The following OS9 variants were observed in gnomAD, a reference collection of about 807,000 sequenced individuals.
OS9 encodes the protein OS9 endoplasmic reticulum lectin.
A neutral mutation model predicts 84.7 loss-of-function variants in OS9; 58 were observed. The ratio of observed to expected loss-of-function variants is 0.68; its 90% confidence interval spans 0.55 to 0.85. The LOEUF (loss-of-function observed/expected upper bound fraction) is 0.85. OS9 is among the 40% of genes least tolerant of loss of function. The pLI, the probability that OS9 is intolerant of heterozygous loss-of-function variation, is 0.00. For missense variants in OS9, 760 were observed against 850.9 expected (o/e 0.89, Z 1.33); for synonymous variants, 278 against 320.8 (o/e 0.87, Z 1.43).
chr12:57,709,151 G>A (rs1362965736), intron 5 of OS9, among the ~76,000 whole-genome samples: 5 of 151,964 alleles, frequency 3.3e-5, no homozygotes, highest in African/African-American at 4.8e-5. Flanking sequence ...TTTCCTAATG[G>A]CTTGCTGGTC....
chr12:57,719,296 C>A, intron 12 of OS9, 114 bp downstream of exon 12: 1 of 836,168 alleles, frequency 1.2e-6, no homozygotes, highest in Non-Finnish European at 1.9e-6. Context: ...CATTCTCTCC[C>A]CACTTTCTGG....
Position 57,715,806 on chromosome 12 carries a change from G to A in OS9, c.626G>A (p.Arg209His), listed in dbSNP as rs775835044. The A allele has an allele frequency of 1.5e-5, 25 of 1,613,662 alleles. No individual in the cohort carries two copies. The highest frequency in any genetic ancestry group is 4.0e-5 in the African/African-American group (3 of 74,906). ...GGTATCTCTGGGGACTACATCGATCGCGTGGACGAGCCCTTGTCCTGCTCT... is the reference window on the plus strand; with the variant it reads ...GGTATCTCTGGGGACTACATCGATCACGTGGACGAGCCCTTGTCCTGCTCT... ...GAGISGDYID[R>H]VDEPLSCSYV... Residue 209 changes from arginine (R) to histidine (H), a missense_variant, in exon 6 of 15, where the codon CGC becomes CAC. Transcript: ENST00000315970.
intron 5 of OS9, among the ~76,000 whole-genome samples, chr12:57,704,161 A>G (rs1288971166): frequency 1.3e-5 from 2 of 152,210 alleles, no homozygotes; most frequent in East Asian, 3.8e-4. Context: ...TCCAACATAA[A>G]TCATGATGTA....
At chr12:57,715,056 T>A (rs1954443657) in intron 5 of OS9, among the ~76,000 whole-genome samples, 2 of 152,054 alleles carry the variant, frequency 1.3e-5, no homozygotes, top group African/African-American at 4.8e-5. Context: ...TATATACAAA[T>A]ATATATACAC....
At chr12:57,694,722 T>G in intron 1 of OS9, 28 bp from the exon 2 acceptor site, 2 of 1,611,702 alleles carry the variant, frequency 1.2e-6, no homozygotes, top group East Asian at 4.5e-5. Context: ...TTTGCTTCCT[T>G]GCCCCCCGAC....
chr12:57,716,296 G>A, intron 7 of OS9, 103 bp downstream of exon 7: 1 of 959,342 alleles, frequency 1.0e-6, no homozygotes, highest in African/African-American at 1.6e-5. Flanking sequence ...GGGTGGAAAA[G>A]TACCATGGGC....
At chr12:57,695,028 G>C (rs570726272) in intron 2 of OS9, 102 bp downstream of exon 2, 5 of 1,013,706 alleles carry the variant, frequency 4.9e-6, no homozygotes, top group South Asian at 1.4e-5. Context: ...ACCTGTAGTG[G>C]TTAAGAAGAC....
intron 5 of OS9, 89 bp downstream of exon 5, chr12:57,696,462 GC>G (rs67496996): frequency 0.19 from 32,220 of 173,296 alleles, 5,877 homozygotes; most frequent in Non-Finnish European, 0.26. Context: ...CGGGGCGGGG[GC>G]GGGGGGGGTC....
intron 5 of OS9, among the ~76,000 whole-genome samples, chr12:57,698,402 A>G (rs182887546): frequency 1.1e-4 from 16 of 152,352 alleles, no homozygotes; most frequent in Admixed American, 1.3e-4. Context: ...TCTGGTGAAC[A>G]TATGCCCTGT....
intron 5 of OS9, among the ~76,000 whole-genome samples, chr12:57,713,724 G>A (rs1954399706): frequency 7.6e-6 from 1 of 130,834 alleles, no homozygotes; most frequent in Non-Finnish European, 1.6e-5. Context: ...TTTTAACTAC[G>A]CTTACCTGCT....
In OS9 at chr12:57,695,985, C is replaced by T. The variant is rs1199860251; in HGVS notation, c.427C>T (p.Leu143Phe). 6.2e-7 allele frequency: 1 copy of T among 1,613,436 alleles called. No individual in the cohort carries two copies. Among genetic ancestry groups the T allele is most frequent in the Admixed American group, 1.7e-5 (1 of 60,016 alleles). ...AGATTCAGAGATCAAAGGTGAAGTC[C>T]TCTATCTCGGCTACTACCAATCAGC... ...MEDSEIKGEV[L>F]YLGYYQSAFD... Residue 143 changes from leucine to phenylalanine, a missense_variant, in exon 4 of 15, where the codon CTC (leucine) becomes TTC (phenylalanine). Leu to Phe is a conservative substitution (Grantham distance 22). Transcript: ENST00000315970.
intron 5 of OS9, among the ~76,000 whole-genome samples, chr12:57,700,027 G>A (rs1953973185): frequency 1.3e-5 from 2 of 152,210 alleles, no homozygotes; most frequent in South Asian, 2.1e-4. Context: ...CCCGGGAGGC[G>A]GAGGTCGCAG....
At position 57,716,579 on chromosome 12, in the gene OS9, G is replaced by A. The variant is rs536424864; in HGVS notation, c.993+67G>A. ...GGGTCACTGCAGCTGGGGCCATTGT[G>A]AGGTGACCTACATCTACCTAGGGAT... On this transcript the variant is annotated intron_variant, in intron 8 of 14. Transcript: ENST00000315970. 285 of 1,507,418 alleles carry A rather than the reference G, an allele frequency of 1.9e-4. 1 individual carries two copies. In the South Asian group the frequency reaches 2.3e-3, roughly 12 times the overall value. 93.4% of individuals were successfully genotyped at this position (1,507,418 alleles called of 1,614,324 possible).
At chr12:57,695,405 G>C (rs999692767) in intron 2 of OS9, 48 of 439,332 alleles carry the variant, frequency 1.1e-4, no homozygotes, top group Non-Finnish European at 1.9e-4. Flanking sequence ...GGCCAGAACA[G>C]TGCCAGGAAT....
At chr12:57,702,801 C>T (rs1380108614) in intron 5 of OS9, among the ~76,000 whole-genome samples, 1 of 151,942 alleles carries the variant, frequency 6.6e-6, no homozygotes, top group Non-Finnish European at 1.5e-5. Context: ...AGTAGTATCT[C>T]ATAGTGGTTT....
chr12:57,712,239 G>T (rs1243426207), intron 5 of OS9, among the ~76,000 whole-genome samples: 1 of 152,104 alleles, frequency 6.6e-6, no homozygotes, highest in Non-Finnish European at 1.5e-5. Flanking sequence ...TTAAAAAATT[G>T]ATGTTTATAG....
rs1953787105 is a variant in OS9, at chr12:57,695,115, C to T, written c.339+189C>T. 2.0e-5 allele frequency: 12 copies of T among 600,980 alleles called. No individual in the cohort carries two copies. In the South Asian group the frequency reaches 2.0e-4, roughly 10 times the overall value. The allele number at this position is 600,980 out of a possible 1,614,324, so 37.2% of individuals were successfully genotyped here. ...CAACCACTGATGACACTTTGCTGAA[C>T]GTAGGAGCAGGTTAGGATAGAAGAT... On this transcript the variant is annotated intron_variant, in intron 2 of 14. Coordinates refer to ENST00000315970, the MANE Select transcript of OS9 (RefSeq NM_006812.4).
At chr12:57,699,526 T>C (rs1953958796) in intron 5 of OS9, among the ~76,000 whole-genome samples, 1 of 152,228 alleles carries the variant, frequency 6.6e-6, no homozygotes, top group South Asian at 2.1e-4. Context: ...AATTGGTCCA[T>C]GGTGTTGGCT....
chr12:57,695,915 C>T (rs762385904), intron 3 of OS9, 47 bp from the exon 4 acceptor site: 1 of 1,572,220 alleles, frequency 6.4e-7, no homozygotes, highest in East Asian at 2.2e-5. Flanking sequence ...CCTCCTCCTC[C>T]TCCTCCTCTT....
Sources: gnomAD v4.1 joint callset for allele counts (sites outside exome capture counted in the v4.1 genomes callset) on GRCh38, gnomAD v4.1.1 for gene constraint, MANE v1.5 for transcripts, NCBI Gene and HGNC (gene_info 2026-07-23, HGNC 2026-07-21) for gene names.